WDR70: variants seen among roughly 807,000 people sequenced by gnomAD.
The protein encoded by WDR70 is WD repeat domain 70.
In WDR70, 53 loss-of-function variants were observed where a neutral mutation model predicts 88.6. That is an observed-to-expected ratio of 0.60 (90% CI 0.48 to 0.75). WDR70 has a LOEUF of 0.75. Ranked by LOEUF, WDR70 falls within the 30% of genes least tolerant of loss-of-function variation. The pLI, the probability that WDR70 is intolerant of heterozygous loss-of-function variation, is 0.00. For synonymous variants in WDR70, 280 were observed against 270.0 expected, an observed-to-expected ratio of 1.04 and a Z score of -0.36; for missense variants, 610 against 823.2, an observed-to-expected ratio of 0.74 and a Z score of 3.17.
At chr5:37,638,236 GTTA>G (rs958821710) in intron 10 of WDR70, among the ~76,000 whole-genome samples, 3 of 152,122 alleles carry the variant, frequency 2.0e-5, no homozygotes, top group Admixed American at 6.5e-5. Flanking sequence ...TGTTGTAAGA[GTTA>G]TTATGTATAT....
intron 13 of WDR70, among the ~76,000 whole-genome samples, chr5:37,719,419 A>G (rs1446702572): frequency 6.7e-6 from 1 of 149,248 alleles, no homozygotes; most frequent in Non-Finnish European, 1.5e-5. Flanking sequence ...TTCTGTTAAT[A>G]TTTACTCACT....
intron 10 of WDR70, among the ~76,000 whole-genome samples, chr5:37,659,985 ATATT>A (rs1745659603): frequency 6.6e-6 from 1 of 152,186 alleles, no homozygotes; most frequent in Admixed American, 6.5e-5. Flanking sequence ...CAGTGAGTAA[ATATT>A]TATGTCAAAA....
At chr5:37,535,097 G>C (rs1264641076) in intron 9 of WDR70, among the ~76,000 whole-genome samples, 1 of 152,044 alleles carries the variant, frequency 6.6e-6, no homozygotes, top group East Asian at 1.9e-4. Flanking sequence ...GGTACAGCTA[G>C]TAATAAATAA....
At chr5:37,635,709 T>C (rs1744943734) in intron 10 of WDR70, among the ~76,000 whole-genome samples, 1 of 152,184 alleles carries the variant, frequency 6.6e-6, no homozygotes, top group South Asian at 2.1e-4. Context: ...AGGAATTAAG[T>C]TACCCTGATT....
intron 13 of WDR70, among the ~76,000 whole-genome samples, chr5:37,711,496 C>T (rs1239686432): frequency 6.6e-6 from 1 of 152,176 alleles, no homozygotes. Context: ...ACATCCTTTG[C>T]TCTGGTCCTC....
intron 10 of WDR70, among the ~76,000 whole-genome samples, chr5:37,613,307 G>T (rs1744237574): frequency 6.6e-6 from 1 of 152,118 alleles, no homozygotes; most frequent in African/African-American, 2.4e-5. Context: ...AAAGTGACAG[G>T]AAAGGCTCTT....
intron 9 of WDR70, among the ~76,000 whole-genome samples, chr5:37,594,814 G>T (rs1190747306): frequency 6.6e-6 from 1 of 151,888 alleles, no homozygotes; most frequent in Admixed American, 6.6e-5. Context: ...TTTATATTTC[G>T]TTGAGCAGTG....
intron 9 of WDR70, among the ~76,000 whole-genome samples, chr5:37,595,151 G>T (rs1385254777): frequency 2.0e-5 from 3 of 152,026 alleles, no homozygotes; most frequent in African/African-American, 7.2e-5. Context: ...TTGCCTGATT[G>T]CCCTGGCCAG....
intron 9 of WDR70, among the ~76,000 whole-genome samples, chr5:37,549,559 A>G (rs191508161): frequency 8.7e-4 from 133 of 152,320 alleles, no homozygotes; most frequent in African/African-American, 3.1e-3. Context: ...TTTTGCAAAC[A>G]TAAGATTATA....
chr5:37,641,778 T>A (rs1208246499), intron 10 of WDR70, among the ~76,000 whole-genome samples: 1 of 152,184 alleles, frequency 6.6e-6, no homozygotes, highest in African/African-American at 2.4e-5. Flanking sequence ...TACTTCCTAG[T>A]TCCTGTAAGT....
chr5:37,446,972 G>C (rs1738502899), intron 7 of WDR70, among the ~76,000 whole-genome samples: 1 of 152,192 alleles, frequency 6.6e-6, no homozygotes, highest in African/African-American at 2.4e-5. Flanking sequence ...CTTCTGCACA[G>C]CAAAAGAAAC....
chr5:37,466,122 T>C (rs1739142872), intron 7 of WDR70, among the ~76,000 whole-genome samples: 1 of 152,168 alleles, frequency 6.6e-6, no homozygotes, highest in African/African-American at 2.4e-5. Context: ...TTCACTTGAG[T>C]AGTCATTTTT....
At chr5:37,425,103 G>C (rs1007261194) in intron 5 of WDR70, among the ~76,000 whole-genome samples, 2 of 152,180 alleles carry the variant, frequency 1.3e-5, no homozygotes, top group Non-Finnish European at 2.9e-5. Context: ...AAAATTAGCT[G>C]TGCGTGGTCA....
chr5:37,557,961 T>TGAAAACTCTTGAAAAGA (rs1176435994), intron 9 of WDR70, among the ~76,000 whole-genome samples: 2 of 148,284 alleles, frequency 1.3e-5, no homozygotes, highest in Admixed American at 6.7e-5. Context: ...AAGAGTATTA[T>TGAAAACTCTTGAAAAGA]GTATATTTAT....
intron 10 of WDR70, among the ~76,000 whole-genome samples, chr5:37,640,312 G>A (rs1353714409): frequency 1.3e-5 from 2 of 152,036 alleles, no homozygotes; most frequent in African/African-American, 2.4e-5. Flanking sequence ...AATGCTATTT[G>A]GACTGTGGGA....
chr5:37,633,811 A>G (rs1350416402), intron 10 of WDR70, among the ~76,000 whole-genome samples: 3 of 152,166 alleles, frequency 2.0e-5, no homozygotes, highest in African/African-American at 7.2e-5. Flanking sequence ...AAAACAAAGC[A>G]TTCCCTACTA....
At position 37,724,998 on chromosome 5, in the gene WDR70, C is replaced by A. The variant is rs776337222; in HGVS notation, c.1662C>A (p.Asp554Glu). Reference sequence around the variant, plus strand: ...GTACAAGGAAACAGCTGGAGAAGGACAGACTGGATCCCCTGAAGTCGCATA... The same window carrying A: ...GTACAAGGAAACAGCTGGAGAAGGAAAGACTGGATCCCCTGAAGTCGCATA... Reference protein sequence around the residue: ...QRSTRKQLEKDRLDPLKSHKP... With the variant: ...QRSTRKQLEKERLDPLKSHKP... The change falls in exon 16 of 18, where the codon GAC becomes GAA. Residue 554 changes from aspartate (D) to glutamate (E), a missense_variant. Transcript: ENST00000265107. 1 of 1,613,688 alleles carries A rather than the reference C, an allele frequency of 6.2e-7. No homozygotes were observed. Among genetic ancestry groups the A allele is most frequent in the Non-Finnish European group, 8.5e-7 (1 of 1,179,736 alleles).
At chr5:37,751,430 A>G (rs1438349755) in intron 17 of WDR70, among the ~76,000 whole-genome samples, 2 of 152,228 alleles carry the variant, frequency 1.3e-5, no homozygotes, top group African/African-American at 2.4e-5. Context: ...ATAATGATCA[A>G]CTTATTCACG....
chr5:37,444,156 A>G (rs1408512033), intron 7 of WDR70, among the ~76,000 whole-genome samples: 1 of 151,938 alleles, frequency 6.6e-6, no homozygotes, highest in Admixed American at 6.6e-5. Context: ...CTCAAAACAA[A>G]AAAATTAAAA....
Sources: gnomAD v4.1 joint callset for allele counts (sites outside exome capture counted in the v4.1 genomes callset) on GRCh38, gnomAD v4.1.1 for gene constraint, MANE v1.5 for transcripts, NCBI Gene and HGNC (gene_info 2026-07-23, HGNC 2026-07-21) for gene names.